The following MYRIP variants were observed in gnomAD, a reference collection of about 807,000 sequenced individuals.
The protein encoded by MYRIP is rab effector MyRIP.
MYRIP carries 49 observed loss-of-function variants against 98.0 expected under a neutral mutation model. The ratio of observed to expected loss-of-function variants is 0.50; its 90% CI spans 0.40 to 0.63. The LOEUF is 0.63. Ranked by LOEUF, MYRIP falls within the 30% of genes least tolerant of loss-of-function variation. The pLI, the probability that MYRIP is intolerant of heterozygous loss-of-function variation, is 0.00. For missense variants in MYRIP, 1,004 were observed against 1,058.2 expected, an observed-to-expected ratio of 0.95 and a Z score of 0.71; for synonymous variants, 404 against 409.5, an observed-to-expected ratio of 0.99 and a Z score of 0.16.
intron 1 of MYRIP, among the ~76,000 whole-genome samples, chr3:39,863,349 G>T (rs1942526011): frequency 6.6e-6 from 1 of 151,714 alleles, no homozygotes; most frequent in South Asian, 2.1e-4. Context: ...CTATGCAAAA[G>T]ATCAACAGAT....
chr3:40,220,478 G>C (rs1462156595), intron 11 of MYRIP, among the ~76,000 whole-genome samples: 1 of 152,038 alleles, frequency 6.6e-6, no homozygotes, highest in African/African-American at 2.4e-5. Flanking sequence ...GGTCTAACAT[G>C]TAAGTCTTTA....
intron 11 of MYRIP, among the ~76,000 whole-genome samples, chr3:40,212,162 A>ATATATACATATATATACGTGTATGTG (rs1559456636): frequency 2.0e-3 from 19 of 9,742 alleles, no homozygotes; most frequent in African/African-American, 3.3e-3. Context: ...ACGTGTATAT[A>ATATATACATATATATACGTGTATGTG]TATATACATA....
At position 40,128,384 on chromosome 3, in the gene MYRIP, C is replaced by T. The variant is rs568454701; in HGVS notation, c.333-22664C>T. Among the ~76,000 whole-genome samples the T allele has an allele frequency of 6.6e-5, 10 of 152,308 alleles. No homozygotes were observed. In the South Asian group the frequency reaches 8.3e-4, roughly 13 times the overall value. On this transcript the variant is annotated intron_variant, in intron 3 of 16. Coordinates refer to ENST00000302541, the MANE Select transcript of MYRIP (RefSeq NM_015460.4). ...TGGTGATCTGGACAACATAGTTGCA[C>T]GGCTCAGTAGCTACAGGCTGGGCAG...
intron 2 of MYRIP, among the ~76,000 whole-genome samples, chr3:40,025,847 T>C (rs1270171547): frequency 1.3e-5 from 2 of 151,962 alleles, no homozygotes; most frequent in Non-Finnish European, 2.9e-5. Flanking sequence ...AGAACAAAGA[T>C]CACATGCTTC....
Position 40,218,298 on chromosome 3 carries a change from G to A in MYRIP, c.1905+8205G>A, listed in dbSNP as rs529949403. Among the ~76,000 whole-genome samples, 4 of 151,982 alleles carry A rather than the reference G, an allele frequency of 2.6e-5. No homozygotes were observed. In the South Asian group the frequency reaches 8.3e-4, roughly 32 times the overall value. ...CAATGAATCTTAACAGCATTATGCT[G>A]CGGGAAAAAAGACTCAAAAGGTTAC... On this transcript the variant is annotated intron_variant, in intron 11 of 16. Coordinates refer to ENST00000302541, the MANE Select transcript of MYRIP (RefSeq NM_015460.4).
rs540019788 is a variant in MYRIP at position 40,212,998 on chromosome 3, C to T, written c.1905+2905C>T. Reference sequence around the variant, plus strand: ...CAAACTCTGTGGCATTGGTTAATGGCTTACCTCACTGCTACTACTTAGAAC... The same window carrying T: ...CAAACTCTGTGGCATTGGTTAATGGTTTACCTCACTGCTACTACTTAGAAC... On this transcript the variant is annotated intron_variant, in intron 11 of 16. Coordinates refer to ENST00000302541, the MANE Select transcript of MYRIP (RefSeq NM_015460.4). Among the ~76,000 whole-genome samples the T allele has an allele frequency of 2.0e-5, 3 of 152,286 alleles. No homozygotes were observed. In the East Asian group the frequency reaches 5.8e-4, roughly 29 times the overall value.
chr3:40,168,895 G>C (rs1950554332), intron 7 of MYRIP, among the ~76,000 whole-genome samples: 1 of 152,204 alleles, frequency 6.6e-6, no homozygotes, highest in Non-Finnish European at 1.5e-5. Context: ...TATGCAGGAA[G>C]TGTTGAAAAA....
chr3:39,895,914 GTGGT>G (rs1424144385), intron 1 of MYRIP, among the ~76,000 whole-genome samples: 4 of 109,054 alleles, frequency 3.7e-5, no homozygotes, highest in South Asian at 3.1e-4. Flanking sequence ...GTGTGTGTGT[GTGGT>G]GTGTGTGTGT....
intron 8 of MYRIP, among the ~76,000 whole-genome samples, chr3:40,175,228 G>A (rs550330794): frequency 9.9e-5 from 15 of 152,274 alleles, no homozygotes; most frequent in African/African-American, 2.9e-4. Flanking sequence ...GTCTTGATTC[G>A]TTGGATTGTT....
At chr3:40,023,055 G>A (rs1231333892) in intron 2 of MYRIP, among the ~76,000 whole-genome samples, 3 of 152,108 alleles carry the variant, frequency 2.0e-5, no homozygotes, top group Non-Finnish European at 4.4e-5. Context: ...TACACTCCTC[G>A]ATGGGGGAAT....
intron 10 of MYRIP, among the ~76,000 whole-genome samples, chr3:40,205,428 C>A (rs2693475): frequency 0.4 from 61,201 of 151,980 alleles, 14,997 homozygotes; most frequent in Non-Finnish European, 0.55. Flanking sequence ...CAAGGGAATG[C>A]AGTTTTAATG....
At chr3:39,919,643 A>C (rs1944254235) in intron 2 of MYRIP, among the ~76,000 whole-genome samples, 1 of 151,314 alleles carries the variant, frequency 6.6e-6, no homozygotes, top group South Asian at 2.1e-4. Context: ...TGTGATCCTG[A>C]AGTAGGCCTG....
chr3:39,982,933 G>T (rs1013752049), intron 2 of MYRIP, among the ~76,000 whole-genome samples: 3 of 152,182 alleles, frequency 2.0e-5, no homozygotes, highest in African/African-American at 7.2e-5. Flanking sequence ...TTTCAGTTGT[G>T]TAGAATATTA....
intron 1 of MYRIP, among the ~76,000 whole-genome samples, chr3:39,838,406 T>G (rs959494853): frequency 2.0e-5 from 3 of 152,242 alleles, no homozygotes; most frequent in African/African-American, 4.8e-5. Context: ...TTATTGGATG[T>G]TTTTAACATG....
chr3:40,123,900 A>C (rs1344470850), intron 3 of MYRIP, among the ~76,000 whole-genome samples: 1 of 152,202 alleles, frequency 6.6e-6, no homozygotes, highest in African/African-American at 2.4e-5. Flanking sequence ...CATTCCCAGC[A>C]CATTTGACAG....
At chr3:39,951,221 G>T (rs949945777) in intron 2 of MYRIP, among the ~76,000 whole-genome samples, 4 of 152,088 alleles carry the variant, frequency 2.6e-5, no homozygotes, top group African/African-American at 9.7e-5. Context: ...AACCCCCCTG[G>T]CTTTAGCTCC....
chr3:40,031,611 CA>C (rs779485208), intron 2 of MYRIP, among the ~76,000 whole-genome samples: 4 of 151,946 alleles, frequency 2.6e-5, no homozygotes, highest in African/African-American at 7.2e-5. Flanking sequence ...AGCGGATCTA[CA>C]AAAAAAGTTT....
At chr3:39,833,570 G>A (rs1356640495) in intron 1 of MYRIP, among the ~76,000 whole-genome samples, 1 of 152,182 alleles carries the variant, frequency 6.6e-6, no homozygotes, top group Non-Finnish European at 1.5e-5. Context: ...TCAGTGCTGT[G>A]TTCCTGACTT....
chr3:39,941,955 A>G (rs566930748), intron 2 of MYRIP, among the ~76,000 whole-genome samples: 6 of 152,270 alleles, frequency 3.9e-5, no homozygotes, highest in Admixed American at 3.3e-4. Context: ...TACCCATTCA[A>G]TGTTTGCTCA....
Sources: gnomAD v4.1 joint callset for allele counts (sites outside exome capture counted in the v4.1 genomes callset) on GRCh38, gnomAD v4.1.1 for gene constraint, MANE v1.5 for transcripts, NCBI Gene and HGNC (gene_info 2026-07-23, HGNC 2026-07-21) for gene names.